Variants in SSUH2 observed in about 807,000 individuals in gnomAD.
The protein encoded by SSUH2 is ssu-2 homolog.
SSUH2 carries 47 observed loss-of-function variants against 55.3 expected under a neutral mutation model. The observed-to-expected ratio is 0.85, with a 90% confidence interval of 0.67 to 1.08. The LOEUF is 1.08. Among genes scored for constraint, SSUH2 ranks in the 50% least tolerant of loss-of-function variants. SSUH2 has a pLI of 0.00. For missense variants in SSUH2, 535 were observed against 490.7 expected (o/e 1.09, Z -0.85); for synonymous variants, 212 against 191.5 (o/e 1.11, Z -0.89).
At chr3:8,637,884 T>A (rs1001637055) in intron 1 of SSUH2, among the ~76,000 whole-genome samples, 23 of 152,172 alleles carry the variant, frequency 1.5e-4, no homozygotes, top group Non-Finnish European at 2.5e-4. Context: ...AGGAACCTAT[T>A]TAAAGCCCGT....
upstream of SSUH2, among the ~76,000 whole-genome samples, chr3:8,647,657 C>T (rs146426039): frequency 1.2e-3 from 187 of 152,312 alleles, 1 homozygote; most frequent in African/African-American, 4.1e-3. Flanking sequence ...CTCACCCCAC[C>T]ATCTACAGAG....
chr3:8,661,695 G>A (rs940960367), intron 6 of SSUH2, among the ~76,000 whole-genome samples: 5 of 152,190 alleles, frequency 3.3e-5, no homozygotes, highest in African/African-American at 1.2e-4. Context: ...ACATGAAGAG[G>A]GCCAGGTAAT....
chr3:8,642,076 A>C (rs1289976724), intron 1 of SSUH2, among the ~76,000 whole-genome samples: 3 of 152,182 alleles, frequency 2.0e-5, no homozygotes, highest in Non-Finnish European at 4.4e-5. Flanking sequence ...ATAGTCCTAG[A>C]CCAGAAAAGC....
chr3:8,632,024 A>G, intron 5 of SSUH2, 25 bp downstream of exon 5: 1 of 1,603,952 alleles, frequency 6.2e-7, no homozygotes, highest in Non-Finnish European at 8.5e-7. Flanking sequence ...CCCCCAGTTA[A>G]ACTAATTTCA....
At chr3:8,673,742 G>A (rs1704889247) in intron 3 of SSUH2, among the ~76,000 whole-genome samples, 1 of 152,218 alleles carries the variant, frequency 6.6e-6, no homozygotes, top group South Asian at 2.1e-4. Context: ...GAAGGACTCA[G>A]TTACCAGGAA....
At chr3:8,653,099 C>A (rs1702589158) in intron 7 of SSUH2, among the ~76,000 whole-genome samples, 1 of 152,164 alleles carries the variant, frequency 6.6e-6, no homozygotes, top group Admixed American at 6.5e-5. Context: ...GAATGGACAC[C>A]TTTTTGGATC....
intron 6 of SSUH2, among the ~76,000 whole-genome samples, chr3:8,661,549 CT>C (rs1168785515): frequency 1.9e-4 from 29 of 152,306 alleles, no homozygotes; most frequent in African/African-American, 6.5e-4. Context: ...GTCAGCCTGC[CT>C]GTTTCATGGA....
At chr3:8,625,828 T>C (rs1697415742) in intron 9 of SSUH2, among the ~76,000 whole-genome samples, 181 bp from the exon 10 acceptor site, 1 of 151,894 alleles carries the variant, frequency 6.6e-6, no homozygotes, top group Non-Finnish European at 1.5e-5. Flanking sequence ...GTAAGGAGAG[T>C]GACAGTTCAG....
chr3:8,656,911 T>C (rs1439284403), intron 7 of SSUH2, among the ~76,000 whole-genome samples: 1 of 151,954 alleles, frequency 6.6e-6, no homozygotes, highest in African/African-American at 2.4e-5. Flanking sequence ...GAGTCTCACT[T>C]ACTCTGTCAC....
chr3:8,646,000 C>T (rs528290757), upstream of SSUH2, among the ~76,000 whole-genome samples: 2 of 152,300 alleles, frequency 1.3e-5, no homozygotes, highest in East Asian at 3.9e-4. Context: ...ACTTGAGAGT[C>T]ATATAAGTTT....
At chr3:8,660,163 G>A (rs2125360490) in intron 6 of SSUH2, among the ~76,000 whole-genome samples, 1 of 152,280 alleles carries the variant, frequency 6.6e-6, no homozygotes, top group South Asian at 2.1e-4. Context: ...AGGAGAGTGT[G>A]GTTACCTGGC....
chr3:8,634,016 C>G, intron 3 of SSUH2: 3 of 1,486,976 alleles, frequency 2.0e-6, no homozygotes, highest in Non-Finnish European at 2.7e-6. Flanking sequence ...GCCAAAAACA[C>G]TTTAGTTGAA....
chr3:8,635,696 A>G (rs958227491), intron 2 of SSUH2, 63 bp downstream of exon 2: 2 of 1,412,542 alleles, frequency 1.4e-6, no homozygotes, highest in African/African-American at 2.9e-5. Flanking sequence ...TTCCCGAGAC[A>G]TCCCACCAAC....
intron 7 of SSUH2, among the ~76,000 whole-genome samples, chr3:8,629,012 T>C (rs1417424725): frequency 3.9e-5 from 6 of 152,136 alleles, no homozygotes; most frequent in Admixed American, 2.6e-4. Context: ...CCCGCCACCA[T>C]GCCCAGCTAA....
chr3:8,635,170 C>T lies in SSUH2; in HGVS notation c.209+130G>A, dbSNP rs564434799. ...TCCCTAAGCCCCATCCCTGGAGGAT[C>T]TGGTGCAGTAGGTCTGGGGTGCAGA... On this transcript the variant is annotated intron_variant, in intron 3 of 11. Coordinates refer to ENST00000544814, the MANE Select transcript of SSUH2 (RefSeq NM_001256748.3). 9 of 681,076 alleles carry T rather than the reference C, an allele frequency of 1.3e-5. No individual in the cohort carries two copies. The Admixed American group carries it at 2.6e-4, about 20-fold the overall frequency. The allele number at this position is 681,076 out of a possible 1,614,324, so 42.2% of individuals were successfully genotyped here.
Position 8,630,792 on chromosome 3 carries a change from T to C in SSUH2, c.525+13A>G. The C allele has an allele frequency of 7.3e-7, 1 of 1,378,942 alleles. No homozygotes were observed. The highest frequency in any genetic ancestry group is 1.9e-4 in the Middle Eastern group (1 of 5,140). The allele number at this position is 1,378,942 out of a possible 1,614,324, so 85.4% of individuals were successfully genotyped here. ...AAGGGCAAGTATTCCAGTAATCGCG[T>C]TAATCGTATTACCTTGACCAGTGAC... On this transcript the variant is annotated intron_variant, in intron 6 of 11. Transcript: ENST00000544814.
intron 8 of SSUH2, chr3:8,626,974 C>T (rs1286482610): frequency 1.3e-5 from 2 of 152,166 alleles, no homozygotes; most frequent in Admixed American, 6.5e-5. Context: ...CTTTCACTTG[C>T]AAATGAAAGA....
In SSUH2 at chr3:8,675,597, A is replaced by C. The variant is rs532172662; in HGVS notation, c.-753+1609T>G. Among the ~76,000 whole-genome samples the C allele has an allele frequency of 2.5e-4, 9 of 36,112 alleles. No homozygotes were observed. The South Asian group carries it at 0.023, about 94-fold the overall frequency. The allele number at this position is 36,112 out of a possible 152,430, so 23.7% of individuals were successfully genotyped here. ...AGGGGTCGGAACGCAGCCCAGGATCAGAAAGAAGCAGGTCATTTGCAATCT... is the reference window on the plus strand; with the variant it reads ...AGGGGTCGGAACGCAGCCCAGGATCCGAAAGAAGCAGGTCATTTGCAATCT... On this transcript the variant is annotated intron_variant, in intron 3 of 18. Transcript: ENST00000317371.
At chr3:8,647,138 C>T (rs545959918), upstream of SSUH2, among the ~76,000 whole-genome samples, 2 of 152,232 alleles carry the variant, frequency 1.3e-5, no homozygotes, top group East Asian at 1.9e-4. Context: ...CAAGGAACCA[C>T]GTGGTCAGAC....
Sources: allele counts gnomAD v4.1 joint callset (sites outside exome capture counted in the v4.1 genomes callset), GRCh38; gene constraint gnomAD v4.1.1; transcripts MANE v1.5; gene names NCBI Gene and HGNC (gene_info 2026-07-23, HGNC 2026-07-21).